ACOT11: variants seen among roughly 807,000 people sequenced by gnomAD.
ACOT11 encodes acyl-coenzyme A thioesterase 11.
ACOT11 carries 69 observed loss-of-function variants against 77.5 expected under a neutral mutation model. That is an observed-to-expected ratio of 0.89 (90% CI 0.73 to 1.09). The LOEUF is 1.09. Ranked by LOEUF, ACOT11 falls within the 50% of genes least tolerant of loss-of-function variation. ACOT11 has a pLI of 0.00. For missense variants in ACOT11, 766 were observed against 813.7 expected, an observed-to-expected ratio of 0.94 and a Z score of 0.71; for synonymous variants, 279 against 313.0, an observed-to-expected ratio of 0.89 and a Z score of 1.15.
chr1:54,555,994 C>G (rs149760050), intron 1 of ACOT11, among the ~76,000 whole-genome samples: 1 of 152,132 alleles, frequency 6.6e-6, no homozygotes, highest in African/African-American at 2.4e-5. Context: ...GTGATCCACC[C>G]GCCTCAGTCT....
downstream of ACOT11, chr1:54,612,804 C>T: frequency 1.2e-6 from 1 of 862,602 alleles, no homozygotes; most frequent in South Asian, 1.5e-5. Flanking sequence ...GTGGCAGAGC[C>T]TATTGGATCT....
At position 54,585,849 on chromosome 1, in the gene ACOT11, G is replaced by A. The variant is rs776974714; in HGVS notation, c.256G>A (p.Gly86Ser). 3 of 1,614,106 alleles carry A rather than the reference G, an allele frequency of 1.9e-6. No homozygotes were observed. The South Asian group carries it at 3.3e-5, about 18-fold the overall frequency. Reference protein sequence around the residue: ...TACLSAERHAGCPCVTASMDD... With the variant: ...TACLSAERHASCPCVTASMDD... ...GCTGACACCAGCGGAGAGGCACGCT[G>A]GCTGCCCCTGTGTCACAGCTTCCAT... is the stretch of plus-strand genomic sequence containing the variant. The change falls in exon 3 of 16, where the codon GGC (glycine) becomes AGC (serine). Residue 86 changes from glycine to serine, a missense_variant. Gly to Ser is a moderately conservative substitution (Grantham distance 56). Transcript: ENST00000343744.
rs1644099287 is a variant in ACOT11 at position 54,610,034 on chromosome 1, GTCA to G, written c.*926_*928del. 6.1e-6 allele frequency: 9 copies of G among 1,473,484 alleles called. No homozygotes were observed. The highest frequency in any genetic ancestry group is 1.4e-5 in the African/African-American group (1 of 71,630). 91.3% of individuals were successfully genotyped at this position (1,473,484 alleles called of 1,614,324 possible). ...TTAAAGGGGCAGTGGGAGTTATGGG[GTCA>G]TCAAGGACCTTGCCTCTCTGGAATC... On this transcript the variant is annotated 3_prime_UTR_variant, in exon 16 of 16. Coordinates refer to ENST00000343744, the MANE Select transcript of ACOT11 (RefSeq NM_147161.4).
intron 1 of ACOT11, among the ~76,000 whole-genome samples, chr1:54,580,089 G>A (rs1402028275): frequency 6.6e-6 from 1 of 152,174 alleles, no homozygotes; most frequent in African/African-American, 2.4e-5. Context: ...ATTCTTGGAA[G>A]TGAGTATAAT....
downstream of ACOT11, chr1:54,611,551 G>C: frequency 6.3e-7 from 1 of 1,591,898 alleles, no homozygotes; most frequent in Non-Finnish European, 8.6e-7. Flanking sequence ...TGCCCACCAG[G>C]TGCTGCTCCA....
At chr1:54,564,413 G>C (rs896105084) in intron 1 of ACOT11, among the ~76,000 whole-genome samples, 2 of 152,204 alleles carry the variant, frequency 1.3e-5, no homozygotes, top group African/African-American at 4.8e-5. Context: ...GGAATCTCAG[G>C]TCTCTCCACT....
At chr1:54,593,190 A>C (rs137892721) in intron 4 of ACOT11, among the ~76,000 whole-genome samples, 1 of 152,326 alleles carries the variant, frequency 6.6e-6, no homozygotes, top group Non-Finnish European at 1.5e-5. Context: ...GGGAGCACTG[A>C]GGCTGGGTGA....
intron 1 of ACOT11, among the ~76,000 whole-genome samples, chr1:54,559,320 G>A (rs185815246): frequency 6.6e-6 from 1 of 152,192 alleles, no homozygotes; most frequent in African/African-American, 2.4e-5. Context: ...CACACCTCAG[G>A]GTCGAGGGAG....
chr1:54,601,117 ATGTG>A (rs762106988), intron 8 of ACOT11, 148 bp from the exon 9 acceptor site: 5,733 of 249,532 alleles, frequency 0.023, 1,208 homozygotes, highest in Middle Eastern at 0.048. Flanking sequence ...GTGTGCATAC[ATGTG>A]TGTGTATGTG....
intron 1 of ACOT11, among the ~76,000 whole-genome samples, chr1:54,562,996 A>G (rs1287753484): frequency 6.9e-6 from 1 of 145,384 alleles, no homozygotes; most frequent in African/African-American, 2.6e-5. Flanking sequence ...CTCACTTCCC[A>G]GACGGGGTGG....
intron 1 of ACOT11, among the ~76,000 whole-genome samples, chr1:54,559,743 G>A (rs1310950513): frequency 6.6e-6 from 1 of 152,176 alleles, no homozygotes; most frequent in Non-Finnish European, 1.5e-5. Flanking sequence ...AGCTTTGCAA[G>A]GCTTCTGGTA....
chr1:54,582,888 C>T (rs1392849033), intron 1 of ACOT11, among the ~76,000 whole-genome samples: 2 of 152,128 alleles, frequency 1.3e-5, no homozygotes, highest in East Asian at 3.9e-4. Flanking sequence ...ATTTCCTCAG[C>T]TCTCCCTAGG....
rs1557641396 is a variant in ACOT11 at position 54,548,300 on chromosome 1, AC to A, written c.-7del. 6 of 1,591,640 alleles carry A rather than the reference AC, an allele frequency of 3.8e-6. No homozygotes were observed. The highest frequency in any genetic ancestry group is 5.1e-6 in the Non-Finnish European group (6 of 1,169,280). On this transcript the variant is annotated 5_prime_UTR_variant, in exon 1 of 16. Coordinates refer to ENST00000343744, the MANE Select transcript of ACOT11 (RefSeq NM_147161.4). ...TGGGAGGGCGCTGCTTTCCCCGGCC[AC>A]CCGGCGCGATGATCCAGAATGTCGG...
At chr1:54,555,906 CCTAA>C (rs1653242697) in intron 1 of ACOT11, among the ~76,000 whole-genome samples, 1 of 152,078 alleles carries the variant, frequency 6.6e-6, no homozygotes. Context: ...TGCCACCACG[CCTAA>C]CTAACTTTTG....
At chr1:54,624,366 G>T (rs1359048552) in intron 15 of ACOT11, among the ~76,000 whole-genome samples, 1 of 152,026 alleles carries the variant, frequency 6.6e-6, no homozygotes, top group Non-Finnish European at 1.5e-5. Context: ...GGGACTGAGG[G>T]GTGGAGGGGC....
At chr1:54,597,218 C>A in intron 6 of ACOT11, 41 bp from the exon 7 acceptor site, 3 of 1,604,068 alleles carry the variant, frequency 1.9e-6, no homozygotes, top group South Asian at 2.2e-5. Flanking sequence ...TGGGAATGTT[C>A]TCACCTCCCT....
chr1:54,605,336 C>A, intron 13 of ACOT11, 127 bp downstream of exon 13: 45 of 1,360,538 alleles, frequency 3.3e-5, no homozygotes, highest in Non-Finnish European at 4.0e-5. Flanking sequence ...GTTGGAGTTC[C>A]ATGCTGGGTG....
chr1:54,623,590 C>G (rs1393457816), intron 15 of ACOT11: 1 of 569,908 alleles, frequency 1.8e-6, no homozygotes, highest in African/African-American at 1.9e-5. Context: ...CGCCCCAATC[C>G]TCTTCCCCAC....
intron 15 of ACOT11, among the ~76,000 whole-genome samples, chr1:54,624,623 G>A (rs1384560994): frequency 6.6e-6 from 1 of 152,164 alleles, no homozygotes; most frequent in East Asian, 1.9e-4. Context: ...GAGGAAAGGG[G>A]ACAGCAGAGG....
Sources: allele counts gnomAD v4.1 joint callset (sites outside exome capture counted in the v4.1 genomes callset), GRCh38; gene constraint gnomAD v4.1.1; transcripts MANE v1.5; gene names NCBI Gene and HGNC (gene_info 2026-07-23, HGNC 2026-07-21).